The following FRMD4A variants were observed in gnomAD, a reference collection of about 807,000 sequenced individuals.
FRMD4A encodes the protein FERM domain-containing protein 4A.
FRMD4A carries 29 observed loss-of-function variants against 129.1 expected under a neutral mutation model. The observed-to-expected ratio is 0.22, with a 90% CI of 0.17 to 0.31. FRMD4A has a LOEUF of 0.31. Among genes scored for constraint, FRMD4A ranks in the 10% least tolerant of loss-of-function variants. The probability of loss-of-function intolerance (pLI) is 1.00; values close to 1 mark genes in which losing one functional copy is unlikely to be tolerated. For missense variants in FRMD4A, 1,272 were observed against 1,375.8 expected (o/e 0.92, Z 1.19); for synonymous variants, 634 against 571.6 (o/e 1.11, Z -1.56).
chr10:14,106,850 A>G (rs559911139), intron 2 of FRMD4A, among the ~76,000 whole-genome samples: 2 of 128,960 alleles, frequency 1.6e-5, no homozygotes, highest in African/African-American at 5.9e-5. Context: ...CAGCAATCCC[A>G]TTAGTGGATA....
At chr10:13,978,399 A>T (rs1204034117) in intron 2 of FRMD4A, among the ~76,000 whole-genome samples, 1 of 152,126 alleles carries the variant, frequency 6.6e-6, no homozygotes, top group Non-Finnish European at 1.5e-5. Context: ...CAGCCCCTCC[A>T]TACCTCCTTC....
rs1264293582 is a variant in FRMD4A, at chr10:13,659,438, T to C, written c.1951A>G (p.Ser651Gly). ...TGSCAEAGGG[S>G]NSLQNSPIRG... is the part of the protein sequence containing the mutation. ...ATGGGGCTGTTCTGCAAGGAGTTGC[T>C]TCCTCCGCCGGCTTCCGCACAGCTT... Residue 651 changes from serine to glycine, a missense_variant, in exon 21 of 25, where the codon AGC (serine) becomes GGC (glycine). By Grantham distance (56) the Ser-to-Gly change is moderately conservative. Coordinates refer to ENST00000357447, the MANE Select transcript of FRMD4A (RefSeq NM_018027.5). 6.2e-7 allele frequency: 1 copy of C among 1,613,940 alleles called. No homozygotes were observed. The highest frequency in any genetic ancestry group is 1.1e-5 in the South Asian group (1 of 91,054).
intron 2 of FRMD4A, among the ~76,000 whole-genome samples, chr10:14,211,920 G>A (rs1455625260): frequency 6.6e-6 from 1 of 152,196 alleles, no homozygotes; most frequent in East Asian, 1.9e-4. Context: ...TCTCAGTGAT[G>A]CCTCAGCACT....
chr10:13,982,922 C>G (rs73589133), intron 2 of FRMD4A, among the ~76,000 whole-genome samples: 2,919 of 152,300 alleles, frequency 0.019, 54 homozygotes, highest in African/African-American at 0.033. Flanking sequence ...CAAGAAGTCC[C>G]TCTATTTGCA....
chr10:13,669,956 G>A lies in FRMD4A; in HGVS notation c.1374+450C>T, dbSNP rs557598187. Among the ~76,000 whole-genome samples the A allele has an allele frequency of 3.3e-5, 5 of 152,308 alleles. No homozygotes were observed. The East Asian group carries it at 9.6e-4, about 29-fold the overall frequency. ...TAGCCAGGTGAGGCTATGACCACGG[G>A]GCGGTGGACCCTACTGGTCTCTCCC... On this transcript the variant is annotated intron_variant, in intron 17 of 24. Coordinates refer to ENST00000357447, the MANE Select transcript of FRMD4A (RefSeq NM_018027.5).
intron 15 of FRMD4A, chr10:13,685,305 A>G (rs974537045): frequency 2.0e-6 from 2 of 985,272 alleles, no homozygotes; most frequent in East Asian, 1.1e-4. Flanking sequence ...CTTTCTGGCT[A>G]GATTCCATGG....
At chr10:14,005,270 GC>G (rs2095658195) in intron 2 of FRMD4A, among the ~76,000 whole-genome samples, 1 of 152,046 alleles carries the variant, frequency 6.6e-6, no homozygotes, top group Admixed American at 6.5e-5. Context: ...GATCCGACCA[GC>G]TCGGTCTCCC....
At chr10:13,687,220 C>T (rs1038179513) in intron 15 of FRMD4A, among the ~76,000 whole-genome samples, 2 of 152,224 alleles carry the variant, frequency 1.3e-5, no homozygotes, top group South Asian at 2.1e-4. Context: ...GCAGATAACC[C>T]GGGAGGAAGA....
intron 2 of FRMD4A, among the ~76,000 whole-genome samples, chr10:13,898,290 C>A (rs79925435): frequency 2.6e-5 from 4 of 151,980 alleles, no homozygotes; most frequent in African/African-American, 4.8e-5. Context: ...TACTTGAACC[C>A]AGGAGGTGGA....
intron 3 of FRMD4A, among the ~76,000 whole-genome samples, chr10:13,827,034 G>A (rs931551898): frequency 5.3e-5 from 8 of 152,034 alleles, no homozygotes; most frequent in Admixed American, 1.3e-4. Flanking sequence ...GGAGGTTTAC[G>A]GAATTCAAAA....
intron 2 of FRMD4A, among the ~76,000 whole-genome samples, chr10:14,096,103 A>G (rs1227924133): frequency 6.6e-6 from 1 of 152,232 alleles, no homozygotes; most frequent in Non-Finnish European, 1.5e-5. Flanking sequence ...TTGAAATCTA[A>G]TTCCCAACAC....
intron 2 of FRMD4A, among the ~76,000 whole-genome samples, chr10:14,243,247 C>T (rs553783055): frequency 1.4e-4 from 21 of 152,266 alleles, no homozygotes; most frequent in African/African-American, 3.8e-4. Flanking sequence ...CCTCACGTGT[C>T]GAGGGAGAGA....
chr10:13,792,971 G>A (rs535841736), intron 5 of FRMD4A, among the ~76,000 whole-genome samples: 1 of 152,282 alleles, frequency 6.6e-6, no homozygotes, highest in Non-Finnish European at 1.5e-5. Context: ...ATATATTTGG[G>A]TCTTATATTT....
intron 2 of FRMD4A, among the ~76,000 whole-genome samples, chr10:14,294,396 C>T (rs576980107): frequency 3.3e-5 from 5 of 152,302 alleles, no homozygotes; most frequent in South Asian, 4.1e-4. Context: ...GTGTCCTCCA[C>T]GTTCACAAGG....
intron 2 of FRMD4A, among the ~76,000 whole-genome samples, chr10:13,950,314 T>C (rs2095362680): frequency 6.6e-6 from 1 of 152,264 alleles, no homozygotes; most frequent in Admixed American, 6.5e-5. Flanking sequence ...TCTTGATCTG[T>C]AACTCAAGAC....
Position 13,647,732 on chromosome 10 carries a change from CTTTTT to C in FRMD4A, c.*3-702_*3-698del, listed in dbSNP as rs35759840. 8.0e-4 allele frequency: 111 copies of C among 138,912 alleles called. 1 individual carries two copies. The highest frequency in any genetic ancestry group is 2.9e-3 in the African/African-American group (109 of 36,958). The allele number at this position is 138,912 out of a possible 1,614,324, so 8.6% of individuals were successfully genotyped here. A position where few individuals can be genotyped will look rare whatever the true frequency, so the allele number is the denominator to read the frequency against. On this transcript the variant is annotated intron_variant, in intron 24 of 24. Transcript: ENST00000357447. Reference sequence around the variant, plus strand: ...AAAGTCTATAGAAGAAAATAAAAGGCTTTTTTTTTTTTTTTTAAGTATTTTAGGGA... The same window carrying C: ...AAAGTCTATAGAAGAAAATAAAAGGCTTTTTTTTTTTAAGTATTTTAGGGA...
chr10:13,833,231 T>C (rs1402348009), intron 3 of FRMD4A, among the ~76,000 whole-genome samples: 1 of 152,152 alleles, frequency 6.6e-6, no homozygotes, highest in Admixed American at 6.5e-5. Flanking sequence ...CAGTTCCATA[T>C]GGCTGGGGAG....
At chr10:14,054,186 G>A (rs777899890) in intron 2 of FRMD4A, among the ~76,000 whole-genome samples, 2 of 152,088 alleles carry the variant, frequency 1.3e-5, no homozygotes, top group Non-Finnish European at 2.9e-5. Flanking sequence ...GACCCCTGTG[G>A]TTTCTCAGCA....
intron 2 of FRMD4A, among the ~76,000 whole-genome samples, chr10:14,141,460 C>T (rs970711843): frequency 3.9e-5 from 6 of 152,116 alleles, no homozygotes; most frequent in Non-Finnish European, 8.8e-5. Context: ...TATGTGACAT[C>T]ATGCAATGTC....
Sources: gnomAD v4.1 joint callset for allele counts (sites outside exome capture counted in the v4.1 genomes callset) on GRCh38, gnomAD v4.1.1 for gene constraint, MANE v1.5 for transcripts, NCBI Gene and HGNC (gene_info 2026-07-23, HGNC 2026-07-21) for gene names.